FRMD4A: variants seen among roughly 807,000 people sequenced by gnomAD.
FRMD4A encodes FERM domain containing 4A.
FRMD4A carries 29 observed loss-of-function variants against 129.1 expected under a neutral mutation model. The observed-to-expected ratio is 0.22, with a 90% CI of 0.17 to 0.31. The LOEUF is 0.31. Ranked by LOEUF, FRMD4A falls within the 10% of genes least tolerant of loss-of-function variation. FRMD4A has a pLI of 1.00. For synonymous variants in FRMD4A, 634 were observed against 571.6 expected (o/e 1.11, Z -1.56); for missense variants, 1,272 against 1,375.8 (o/e 0.92, Z 1.19).
intron 2 of FRMD4A, among the ~76,000 whole-genome samples, chr10:14,194,579 C>G (rs1169700741): frequency 6.6e-6 from 1 of 152,128 alleles, no homozygotes; most frequent in Non-Finnish European, 1.5e-5. Flanking sequence ...CCACTGCACT[C>G]TCGCCTGGGC....
intron 2 of FRMD4A, among the ~76,000 whole-genome samples, chr10:13,911,524 T>TA (rs1471269027): frequency 3.3e-5 from 5 of 152,198 alleles, no homozygotes; most frequent in African/African-American, 1.2e-4. Flanking sequence ...TGCAGAAGCC[T>TA]AAAAACGGGC....
intron 6 of FRMD4A, among the ~76,000 whole-genome samples, chr10:13,762,974 G>A (rs1009781971): frequency 2.6e-5 from 4 of 152,182 alleles, no homozygotes; most frequent in Middle Eastern, 3.4e-3. Flanking sequence ...GTGAGACCCT[G>A]GCTCAAAACA....
chr10:14,254,987 A>G (rs1046691000), intron 2 of FRMD4A, among the ~76,000 whole-genome samples: 3 of 152,114 alleles, frequency 2.0e-5, no homozygotes, highest in Non-Finnish European at 4.4e-5. Context: ...TCAACTTCCT[A>G]TTAAGAATGG....
intron 2 of FRMD4A, among the ~76,000 whole-genome samples, chr10:14,013,127 G>T (rs565895893): frequency 1.3e-5 from 2 of 152,236 alleles, no homozygotes; most frequent in Non-Finnish European, 2.9e-5. Flanking sequence ...TTCTGATTTT[G>T]TTCCTTATCA....
chr10:13,851,154 C>T (rs895063571), intron 3 of FRMD4A, among the ~76,000 whole-genome samples: 1 of 152,104 alleles, frequency 6.6e-6, no homozygotes, highest in Non-Finnish European at 1.5e-5. Flanking sequence ...GCAGAGGTTG[C>T]CGTGAGCAGA....
intron 2 of FRMD4A, among the ~76,000 whole-genome samples, chr10:14,230,249 T>C (rs1163941000): frequency 6.6e-6 from 1 of 152,202 alleles, no homozygotes; most frequent in Non-Finnish European, 1.5e-5. Flanking sequence ...ACACCAAATT[T>C]AGGTACCATT....
chr10:13,968,595 A>G (rs965324456), intron 2 of FRMD4A, among the ~76,000 whole-genome samples: 5 of 152,154 alleles, frequency 3.3e-5, no homozygotes, highest in Non-Finnish European at 7.3e-5. Context: ...TGGGATTACA[A>G]GCATGTGCCA....
At chr10:13,734,822 T>C (rs2090529132) in intron 12 of FRMD4A, among the ~76,000 whole-genome samples, 1 of 151,440 alleles carries the variant, frequency 6.6e-6, no homozygotes, top group East Asian at 1.9e-4. Flanking sequence ...GCAATAACTT[T>C]TTTTTCTTCT....
chr10:14,274,038 G>A (rs1845255242), intron 2 of FRMD4A, among the ~76,000 whole-genome samples: 1 of 152,158 alleles, frequency 6.6e-6, no homozygotes, highest in Non-Finnish European at 1.5e-5. Context: ...TATGACGAAT[G>A]CTCAATTCCA....
At chr10:13,695,440 T>C (rs986236185) in intron 14 of FRMD4A, among the ~76,000 whole-genome samples, 3 of 152,214 alleles carry the variant, frequency 2.0e-5, no homozygotes, top group African/African-American at 7.2e-5. Flanking sequence ...CGCGCCTGGC[T>C]AAAGCAGTGG....
chr10:14,058,335 T>C (rs1182280459), intron 2 of FRMD4A, among the ~76,000 whole-genome samples: 1 of 152,254 alleles, frequency 6.6e-6, no homozygotes, highest in Non-Finnish European at 1.5e-5. Context: ...ATGTTTGAGA[T>C]GCATATTTTA....
intron 2 of FRMD4A, among the ~76,000 whole-genome samples, chr10:14,198,541 C>CTGAT (rs908853554): frequency 1.3e-5 from 2 of 152,244 alleles, no homozygotes; most frequent in African/African-American, 4.8e-5. Flanking sequence ...GGAGACTTGA[C>CTGAT]TGATTCCCTG....
At chr10:13,957,145 C>A (rs577957092) in intron 2 of FRMD4A, among the ~76,000 whole-genome samples, 3 of 152,212 alleles carry the variant, frequency 2.0e-5, no homozygotes, top group Non-Finnish European at 2.9e-5. Context: ...CTCCGCAGAG[C>A]TATGTGTGGA....
chr10:13,701,266 C>A, intron 14 of FRMD4A, 74 bp downstream of exon 14: 1 of 1,417,136 alleles, frequency 7.1e-7, no homozygotes, highest in Admixed American at 1.8e-5. Flanking sequence ...GCCTCCCCCA[C>A]CCATCCGATC....
At chr10:14,315,222 T>G (rs1238894) in intron 2 of FRMD4A, among the ~76,000 whole-genome samples, 2 of 152,048 alleles carry the variant, frequency 1.3e-5, no homozygotes, top group South Asian at 4.2e-4. Flanking sequence ...CACCCGAATA[T>G]TGATGACCCT....
At chr10:13,835,679 C>G (rs902881862) in intron 3 of FRMD4A, among the ~76,000 whole-genome samples, 2 of 152,114 alleles carry the variant, frequency 1.3e-5, no homozygotes, top group African/African-American at 4.8e-5. Context: ...CTCCCATCAC[C>G]CCCAGATGGG....
At chr10:14,229,103 T>C (rs1843549573) in intron 2 of FRMD4A, among the ~76,000 whole-genome samples, 1 of 150,478 alleles carries the variant, frequency 6.6e-6, no homozygotes, top group African/African-American at 2.4e-5. Flanking sequence ...TTTTTGTTTG[T>C]TTTTTGTTTT....
chr10:14,015,262 TTTCCTTCCTTTC>T (rs1254498136), intron 2 of FRMD4A, among the ~76,000 whole-genome samples: 1 of 78,170 alleles, frequency 1.3e-5, no homozygotes, highest in African/African-American at 5.1e-5. Context: ...CCTTCCTTCC[TTTCCTTCCTTTC>T]TTCCTTCCTT....
At chr10:13,987,862 T>C (rs1309389404) in intron 2 of FRMD4A, among the ~76,000 whole-genome samples, 3 of 152,180 alleles carry the variant, frequency 2.0e-5, no homozygotes, top group African/African-American at 7.2e-5. Flanking sequence ...GATTTCAGAG[T>C]TTGCTTCCTA....
Sources: allele counts gnomAD v4.1 joint callset (sites outside exome capture counted in the v4.1 genomes callset), GRCh38; gene constraint gnomAD v4.1.1; transcripts MANE v1.5; gene names NCBI Gene and HGNC (gene_info 2026-07-23, HGNC 2026-07-21).